The following PCDHGA4 variants were observed in gnomAD, a reference collection of about 807,000 sequenced individuals.
The protein encoded by PCDHGA4 is protocadherin gamma-A4.
PCDHGA4 carries 38 observed loss-of-function variants against 54.6 expected under a neutral mutation model. The observed-to-expected ratio is 0.70, with a 90% CI of 0.54 to 0.91. The LOEUF (loss-of-function observed/expected upper bound fraction) is 0.91, where lower values mean the gene tolerates loss of function less well. Among genes scored for constraint, PCDHGA4 ranks in the 40% least tolerant of loss-of-function variants. PCDHGA4 has a pLI of 0.00. For missense variants in PCDHGA4, 1,298 were observed against 1,220.9 expected, an observed-to-expected ratio of 1.06 and a Z score of -0.94; for synonymous variants, 511 against 512.9, an observed-to-expected ratio of 1.00 and a Z score of 0.05.
intron 1 of PCDHGA4, chr5:141,403,850 G>T: frequency 6.2e-7 from 1 of 1,613,634 alleles, no homozygotes; most frequent in Non-Finnish European, 8.5e-7. Context: ...AAATACTGGG[G>T]AAATATCAAC....
chr5:141,384,485 A>G (rs1410076707), intron 1 of PCDHGA4: 1 of 1,614,130 alleles, frequency 6.2e-7, no homozygotes, highest in Non-Finnish European at 8.5e-7. Context: ...AGAGAACTAC[A>G]ACTAAGAGTG....
At position 141,485,049 on chromosome 5, in the gene PCDHGA4, G is replaced by A; in HGVS notation, c.2515-9758G>A. The A allele has an allele frequency of 1.3e-6, 1 of 780,438 alleles. No individual in the cohort carries two copies. 48.3% of individuals were successfully genotyped at this position (780,438 alleles called of 1,614,324 possible). ...AACGGCGCGTAACCCTTGCGGCGCC[G>A]GCCGAACCGCGCCAGAGCTGGCGCG... On this transcript the variant is annotated intron_variant, in intron 1 of 3. Coordinates refer to ENST00000571252, the MANE Select transcript of PCDHGA4 (RefSeq NM_018917.4). This position sits in a 1 kb window ranked among gnomAD's most constrained non-coding sequence, Gnocchi z 5.7.
chr5:141,501,789 C>T (rs367954511), intron 2 of PCDHGA4, among the ~76,000 whole-genome samples: 1 of 152,262 alleles, frequency 6.6e-6, no homozygotes, highest in South Asian at 2.1e-4. Context: ...TCTCCCTCTG[C>T]TCATCTCTTA....
intron 1 of PCDHGA4, chr5:141,361,737 C>A: frequency 1.2e-6 from 2 of 1,613,162 alleles, no homozygotes; most frequent in Non-Finnish European, 1.7e-6. Context: ...CACTGCAGGC[C>A]CGCGACCAGG....
chr5:141,361,731 G>A, intron 1 of PCDHGA4: 3 of 1,613,190 alleles, frequency 1.9e-6, no homozygotes, highest in Non-Finnish European at 2.5e-6. Flanking sequence ...AGCTCACACT[G>A]CAGGCCCGCG....
chr5:141,395,177 T>A (rs1325466781), intron 1 of PCDHGA4: 1 of 1,614,120 alleles, frequency 6.2e-7, no homozygotes, highest in Non-Finnish European at 8.5e-7. Context: ...GTGAGAAAAA[T>A]GATTCTTTGT....
chr5:141,490,874 A>C lies in PCDHGA4; in HGVS notation c.2515-3933A>C. 1 of 1,613,948 alleles carries C rather than the reference A, an allele frequency of 6.2e-7. No homozygotes were observed. The highest frequency in any genetic ancestry group is 1.3e-5 in the African/African-American group (1 of 75,054). The stretch of plus-strand genomic sequence containing the variant: ...CGAGACTCCGGCTCTCCCCCATTGC[A>C]TGCCAACACATCTCTGCATGTGTTT... On this transcript the variant is annotated intron_variant, in intron 1 of 3. Coordinates refer to ENST00000571252, the MANE Select transcript of PCDHGA4 (RefSeq NM_018917.4). The surrounding 1 kb of genome is among the most constrained non-coding windows in gnomAD (Gnocchi z 5.4).
chr5:141,365,776 C>T (rs764374830), intron 1 of PCDHGA4: 6 of 1,613,892 alleles, frequency 3.7e-6, no homozygotes, highest in South Asian at 1.1e-5. Flanking sequence ...CCGACAGCGG[C>T]GACAACGCTC....
intron 1 of PCDHGA4, chr5:141,427,712 C>A: frequency 9.5e-7 from 1 of 1,051,464 alleles, no homozygotes; most frequent in Non-Finnish European, 1.4e-6. Context: ...GCGCCTCTGA[C>A]CTGGACCTAG....
Position 141,485,183 on chromosome 5 carries a change from A to C in PCDHGA4, c.2515-9624A>C, listed in dbSNP as rs777796801. On this transcript the variant is annotated intron_variant, in intron 1 of 3. Transcript: ENST00000571252. This position sits in a 1 kb window ranked among gnomAD's most constrained non-coding sequence, Gnocchi z 5.7. ...TTAGCGGGCGGCAGCAATGCTCCGC[A>C]AGGTGAGAAGCTGGACAGAAATCTG... 1.9e-6 allele frequency: 3 copies of C among 1,613,248 alleles called. No individual in the cohort carries two copies. The highest frequency in any genetic ancestry group is 3.3e-5 in the Admixed American group (2 of 60,006).
At chr5:141,376,066 C>A in intron 1 of PCDHGA4, 1 of 1,613,396 alleles carries the variant, frequency 6.2e-7, no homozygotes, top group Non-Finnish European at 8.5e-7. Flanking sequence ...TCACGCTCAC[C>A]GTGGCCGTGG....
rs539901154 is a variant in PCDHGA4, at chr5:141,413,036, T to C, written c.2514+55415T>C. 238 of 805,778 alleles carry C rather than the reference T, an allele frequency of 3.0e-4. 1 individual carries two copies. Among genetic ancestry groups the C allele is most frequent in the Non-Finnish European group, 4.2e-4 (226 of 532,568 alleles). 49.9% of individuals were successfully genotyped at this position (805,778 alleles called of 1,614,324 possible). On this transcript the variant is annotated intron_variant, in intron 1 of 3. Transcript: ENST00000571252. ...TACACAAGCCCCACAAACCGGCTGC[T>C]GGGCTGCAGGGAAGCTCACTCCAGA...
chr5:141,366,145 C>A, intron 1 of PCDHGA4: 2 of 1,614,192 alleles, frequency 1.2e-6, no homozygotes, highest in Non-Finnish European at 1.7e-6. Context: ...CCTGGCTGTC[C>A]TACCGCCTGC....
intron 1 of PCDHGA4, chr5:141,409,494 C>T (rs755680835): frequency 8.1e-6 from 13 of 1,613,910 alleles, no homozygotes; most frequent in South Asian, 3.3e-5. Context: ...GGCAAGCCGC[C>T]TCTTTCTTCC....
Position 141,375,262 on chromosome 5 carries a change from A to C in PCDHGA4, c.2514+17641A>C, listed in dbSNP as rs781354981. The C allele has an allele frequency of 3.1e-6, 5 of 1,613,914 alleles. No individual in the cohort carries two copies. In the South Asian group the frequency reaches 5.5e-5, roughly 18 times the overall value. On this transcript the variant is annotated intron_variant, in intron 1 of 3. Coordinates refer to ENST00000571252, the MANE Select transcript of PCDHGA4 (RefSeq NM_018917.4). Reference sequence around the variant, plus strand: ...CCATCCCGAGAAGTCTCCCATTTGAATTGGAAAAATCAGTTGGCAATTATT... The same window carrying C: ...CCATCCCGAGAAGTCTCCCATTTGACTTGGAAAAATCAGTTGGCAATTATT...
intron 1 of PCDHGA4, among the ~76,000 whole-genome samples, chr5:141,406,353 T>G (rs1380718525): frequency 6.6e-6 from 1 of 152,196 alleles, no homozygotes; most frequent in Admixed American, 6.5e-5. Context: ...CAGGTCATAC[T>G]ATGTTTGTAA....
chr5:141,456,139 C>T (rs999574407), intron 1 of PCDHGA4, among the ~76,000 whole-genome samples: 20 of 152,010 alleles, frequency 1.3e-4, no homozygotes, highest in Admixed American at 9.8e-4. Context: ...CCTCCTGATC[C>T]GCCCGCCTCG....
At chr5:141,371,836 T>C (rs1399404619) in intron 1 of PCDHGA4, 2 of 1,613,592 alleles carry the variant, frequency 1.2e-6, no homozygotes, top group East Asian at 4.5e-5. Flanking sequence ...GATCCCGACT[T>C]GGGACCTAAT....
At chr5:141,371,799 G>T (rs1768052133) in intron 1 of PCDHGA4, 5 of 1,613,926 alleles carry the variant, frequency 3.1e-6, no homozygotes, top group Middle Eastern at 1.6e-4. Flanking sequence ...TCCGCCTGGA[G>T]CCTCCATTGC....
Sources: allele counts gnomAD v4.1 joint callset (sites outside exome capture counted in the v4.1 genomes callset), GRCh38; gene constraint gnomAD v4.1.1; non-coding constraint Gnocchi (gnomAD v3.1); transcripts MANE v1.5; gene names NCBI Gene and HGNC (gene_info 2026-07-23, HGNC 2026-07-21).